The following CCDC124 variants were observed in gnomAD, a reference collection of about 807,000 sequenced individuals.
CCDC124 encodes the protein coiled-coil domain-containing protein 124.
A neutral mutation model predicts 19.8 loss-of-function variants in CCDC124; 9 were observed. That is an observed-to-expected ratio of 0.45 (90% CI 0.27 to 0.79). The LOEUF (loss-of-function observed/expected upper bound fraction) is 0.79, where lower values mean the gene tolerates loss of function less well. Among genes scored for constraint, CCDC124 ranks in the 30% least tolerant of loss-of-function variants. The pLI, the probability that CCDC124 is intolerant of heterozygous loss-of-function variation, is 0.14. For synonymous variants in CCDC124, 126 were observed against 131.3 expected, an observed-to-expected ratio of 0.96 and a Z score of 0.27; for missense variants, 285 against 319.0, an observed-to-expected ratio of 0.89 and a Z score of 0.81.
chr19:17,941,498 A>G (rs1235747919), intron 2 of CCDC124, among the ~76,000 whole-genome samples: 3 of 134,448 alleles, frequency 2.2e-5, no homozygotes, highest in Non-Finnish European at 5.2e-5. Context: ...GGCGACTGAG[A>G]GAGACTGTCT....
chr19:17,940,337 A>G (rs2031152324), intron 2 of CCDC124, among the ~76,000 whole-genome samples: 1 of 152,170 alleles, frequency 6.6e-6, no homozygotes, highest in Non-Finnish European at 1.5e-5. Context: ...GGGGTTGGAC[A>G]GGCAATTGGG....
chr19:17,934,791 A>G (rs2031024708), intron 1 of CCDC124, among the ~76,000 whole-genome samples: 1 of 152,138 alleles, frequency 6.6e-6, no homozygotes, highest in African/African-American at 2.4e-5. Context: ...TCCAAAATAA[A>G]TAAATAAATG....
intron 2 of CCDC124, among the ~76,000 whole-genome samples, chr19:17,941,992 G>A (rs772677867): frequency 2.6e-5 from 4 of 152,092 alleles, no homozygotes; most frequent in African/African-American, 9.7e-5. Context: ...GGGCTTGCTC[G>A]GCCCCCTGGG....
At chr19:17,939,975 C>T (rs926687724) in intron 2 of CCDC124, among the ~76,000 whole-genome samples, 1 of 137,066 alleles carries the variant, frequency 7.3e-6, no homozygotes, top group African/African-American at 2.7e-5. Flanking sequence ...AGTACAGTGG[C>T]GTGATCTCAG....
In CCDC124 at chr19:17,943,241, T is replaced by TCGGGGGGGGG; in HGVS notation, c.350-19_350-18insGGGGGGGGGC. The TCGGGGGGGGG allele has an allele frequency of 2.4e-5, 18 of 736,678 alleles. No individual in the cohort carries two copies. Among genetic ancestry groups the TCGGGGGGGGG allele is most frequent in the Non-Finnish European group, 3.9e-5 (16 of 414,970 alleles). The allele number at this position is 736,678 out of a possible 1,614,324, so 45.6% of individuals were successfully genotyped here. A position where few individuals can be genotyped will look rare whatever the true frequency, so the allele number is the denominator to read the frequency against. On this transcript the variant is annotated intron_variant, in intron 3 of 4. Transcript: ENST00000445755. ...CTTTGCTTATCTCTCTCTGTCTCTG[T>TCGGGGGGGGG]CACCCACCCACCCGCCCAGCCGAGA...
Position 17,942,416 on chromosome 19 carries a change from C to G in CCDC124, c.160-240C>G, listed in dbSNP as rs932288077. 6.6e-6 allele frequency among the ~76,000 whole-genome samples: 1 copy of G among 152,212 alleles called. No individual in the cohort carries two copies. The highest frequency in any genetic ancestry group is 1.5e-5 in the Non-Finnish European group (1 of 68,028). On this transcript the variant is annotated intron_variant, in intron 2 of 4. Coordinates refer to ENST00000445755, the MANE Select transcript of CCDC124 (RefSeq NM_001136203.2). The surrounding 1 kb of genome is among the most constrained non-coding windows in gnomAD (Gnocchi z 4.2). ...CCAGCTCTCCCCCTTGGCCGGCGCT[C>G]TTCGCACCTAGGAGCGTCACTTCTT...
At chr19:17,941,403 T>G (rs1239828826) in intron 2 of CCDC124, among the ~76,000 whole-genome samples, 1 of 151,356 alleles carries the variant, frequency 6.6e-6, no homozygotes, top group Non-Finnish European at 1.5e-5. Flanking sequence ...TCCCAGCTAT[T>G]TGGGAGGCTG....
chr19:17,941,516 A>G (rs1194170209), intron 2 of CCDC124, among the ~76,000 whole-genome samples: 3 of 151,910 alleles, frequency 2.0e-5, no homozygotes, highest in Non-Finnish European at 2.9e-5. Context: ...TCTCAGAAAA[A>G]AAAAAAAAAA....
chr19:17,943,444 C>T, intron 4 of CCDC124, 64 bp from the exon 5 acceptor site: 1 of 471,958 alleles, frequency 2.1e-6, no homozygotes, highest in Non-Finnish European at 3.3e-6. Context: ...TACCTGGGGG[C>T]GGGGCCGGGC....
intron 1 of CCDC124, among the ~76,000 whole-genome samples, chr19:17,933,287 G>C (rs559020902): frequency 6.6e-6 from 1 of 152,354 alleles, no homozygotes; most frequent in East Asian, 1.9e-4. Flanking sequence ...ACTGCCCCTA[G>C]GCAGCTTCTG....
At position 17,942,547 on chromosome 19, in the gene CCDC124, A is replaced by T. The variant is rs1242242490; in HGVS notation, c.160-109A>T. 4.7e-6 allele frequency: 6 copies of T among 1,281,146 alleles called. No individual in the cohort carries two copies. The highest frequency in any genetic ancestry group is 6.5e-6 in the Non-Finnish European group (6 of 924,674). The allele number at this position is 1,281,146 out of a possible 1,614,324, so 79.4% of individuals were successfully genotyped here. On this transcript the variant is annotated intron_variant, in intron 2 of 4. Coordinates refer to ENST00000445755, the MANE Select transcript of CCDC124 (RefSeq NM_001136203.2). This position sits in a 1 kb window ranked among gnomAD's most constrained non-coding sequence, Gnocchi z 4.2. ...TGTTCCTGGTATGTCCCCTGCACCCAGCACAGAGCCTAAATCCTCGTTGGC... is the reference window on the plus strand; with the variant it reads ...TGTTCCTGGTATGTCCCCTGCACCCTGCACAGAGCCTAAATCCTCGTTGGC...
Position 17,942,872 on chromosome 19 carries a change from GC to G in CCDC124, c.349+28del. On this transcript the variant is annotated intron_variant, in intron 3 of 4. Coordinates refer to ENST00000445755, the MANE Select transcript of CCDC124 (RefSeq NM_001136203.2). This position sits in a 1 kb window ranked among gnomAD's most constrained non-coding sequence, Gnocchi z 4.2. ...TCGGGCGGCATCCCGCTCTGGAGCTGCACTTTTGCCCACTGCAGAGGCAGTG... is the reference window on the plus strand; with the variant it reads ...TCGGGCGGCATCCCGCTCTGGAGCTGACTTTTGCCCACTGCAGAGGCAGTG... 2 of 1,478,776 alleles carry G rather than the reference GC, an allele frequency of 1.4e-6. No individual in the cohort carries two copies. Among genetic ancestry groups the G allele is most frequent in the Non-Finnish European group, 1.8e-6 (2 of 1,115,472 alleles). The allele number at this position is 1,478,776 out of a possible 1,614,324, so 91.6% of individuals were successfully genotyped here. A position where few individuals can be genotyped will look rare whatever the true frequency, so the allele number is the denominator to read the frequency against.
At chr19:17,936,658 G>A in intron 2 of CCDC124, 79 bp downstream of exon 2, 2 of 1,499,974 alleles carry the variant, frequency 1.3e-6, no homozygotes, top group South Asian at 2.5e-5. Context: ...TGGGTGAATA[G>A]CGAGAGGGCC....
At chr19:17,935,373 G>A (rs556631406) in intron 1 of CCDC124, among the ~76,000 whole-genome samples, 1 of 152,250 alleles carries the variant, frequency 6.6e-6, no homozygotes, top group East Asian at 1.9e-4. Context: ...GAACTAGACA[G>A]AGGTGGTATT....
chr19:17,942,752 G>A lies in CCDC124; in HGVS notation c.256G>A (p.Ala86Thr), dbSNP rs779314366. 2.6e-6 allele frequency: 4 copies of A among 1,549,108 alleles called. No homozygotes were observed. In the South Asian group the frequency reaches 4.8e-5, roughly 18 times the overall value. Residue 86 changes from alanine to threonine, a missense_variant, in exon 3 of 5, where the codon GCG becomes ACG. Transcript: ENST00000445755. The surrounding 1 kb of genome is among the most constrained non-coding windows in gnomAD (Gnocchi z 4.2). ...GGACTCCAAGCTCAAGGGCGGCAAG[G>A]CGCCGCGGGTGGCCACGTCCAGCAA... ...EEDSKLKGGK[A>T]PRVATSSKVT...
At chr19:17,937,303 A>T (rs1456113155) in intron 2 of CCDC124, among the ~76,000 whole-genome samples, 1 of 152,158 alleles carries the variant, frequency 6.6e-6, no homozygotes, top group East Asian at 1.9e-4. Flanking sequence ...GCAAAATGCC[A>T]GGAGGCACTG....
rs944428076 is a variant in CCDC124, at chr19:17,942,945, G to A, written c.349+100G>A. On this transcript the variant is annotated intron_variant, in intron 3 of 4. Transcript: ENST00000445755. The surrounding 1 kb of genome is among the most constrained non-coding windows in gnomAD (Gnocchi z 4.2). ...CTCCTGGCCCCCAGAGAAGCTGCCG[G>A]GGCTCCACGTGGTGCAGGGTGGGTG... The A allele has an allele frequency of 1.5e-5, 21 of 1,378,994 alleles. No individual in the cohort carries two copies. Among genetic ancestry groups the A allele is most frequent in the Non-Finnish European group, 1.8e-5 (19 of 1,042,356 alleles). 85.4% of individuals were successfully genotyped at this position (1,378,994 alleles called of 1,614,324 possible).
chr19:17,942,862 CT>C lies in CCDC124; in HGVS notation c.349+18del. On this transcript the variant is annotated intron_variant, in intron 3 of 4. Coordinates refer to ENST00000445755, the MANE Select transcript of CCDC124 (RefSeq NM_001136203.2). The surrounding 1 kb of genome is among the most constrained non-coding windows in gnomAD (Gnocchi z 4.2). ...CGGACACAGGTCGGGCGGCATCCCG[CT>C]CTGGAGCTGCACTTTTGCCCACTGC... 2 of 1,483,336 alleles carry C rather than the reference CT, an allele frequency of 1.3e-6. No homozygotes were observed. The highest frequency in any genetic ancestry group is 1.8e-6 in the Non-Finnish European group (2 of 1,117,330). The allele number at this position is 1,483,336 out of a possible 1,614,324, so 91.9% of individuals were successfully genotyped here.
Position 17,943,811 on chromosome 19 carries a change from C to A in CCDC124, c.*96C>A. On this transcript the variant is annotated 3_prime_UTR_variant, in exon 5 of 5. Transcript: ENST00000445755. ...TCAGCTGCGAGGGTCACAGAGCGTT[C>A]CGGGGGCCAAGGCGCCGGGCCCCGG... The A allele has an allele frequency of 7.7e-7, 1 of 1,297,896 alleles. No homozygotes were observed. Among genetic ancestry groups the A allele is most frequent in the Non-Finnish European group, 1.1e-6 (1 of 929,404 alleles). 80.4% of individuals were successfully genotyped at this position (1,297,896 alleles called of 1,614,324 possible).
Sources: gnomAD v4.1 joint callset for allele counts (sites outside exome capture counted in the v4.1 genomes callset) on GRCh38, gnomAD v4.1.1 for gene constraint, Gnocchi (gnomAD v3.1) non-coding constraint, MANE v1.5 for transcripts, NCBI Gene and HGNC (gene_info 2026-07-23, HGNC 2026-07-21) for gene names.